The following CPT1C variants were observed in gnomAD, a reference collection of about 807,000 sequenced individuals.
CPT1C encodes palmitoyl thioesterase CPT1C.
CPT1C carries 61 observed loss-of-function variants against 97.3 expected under a neutral mutation model. The ratio of observed to expected loss-of-function variants is 0.63; its 90% confidence interval spans 0.51 to 0.78. The LOEUF (loss-of-function observed/expected upper bound fraction) is 0.78. CPT1C is among the 30% of genes least tolerant of loss of function. CPT1C has a pLI of 0.00. For synonymous variants in CPT1C, 469 were observed against 447.2 expected (o/e 1.05, Z -0.61); for missense variants, 975 against 1,065.5 (o/e 0.92, Z 1.18).
At chr19:49,692,529 T>A in intron 3 of CPT1C, 136 bp downstream of exon 3, 3 of 1,116,102 alleles carry the variant, frequency 2.7e-6, no homozygotes, top group East Asian at 2.6e-5. Flanking sequence ...TTTTGATGTC[T>A]GCTCCCAGGA....
At chr19:49,699,297 G>A (rs2082853843) in intron 4 of CPT1C, among the ~76,000 whole-genome samples, 1 of 151,004 alleles carries the variant, frequency 6.6e-6, no homozygotes, top group African/African-American at 2.4e-5. Flanking sequence ...TTGTGCAGAT[G>A]GCCCCAAAGA....
Position 49,705,098 on chromosome 19 carries a change from G to T in CPT1C, c.863G>T (p.Arg288Leu), listed in dbSNP as rs143361095. ...ALLLYRHRLN[R>L]QEIPPTLLMG... The stretch of plus-strand genomic sequence containing the variant: ...CTCCTGTACCGCCACCGCCTGAACC[G>T]CCAGGAGATACCCCCGGTGAGAGGG... Residue 288 changes from arginine (R) to leucine (L), a missense_variant, in exon 9 of 20, where the codon CGC becomes CTC. By Grantham distance (102) the Arg-to-Leu change is moderately radical. Coordinates refer to ENST00000598293, the MANE Select transcript of CPT1C (RefSeq NM_001199753.2). The T allele has an allele frequency of 2.0e-5, 32 of 1,613,992 alleles. No homozygotes were observed. The highest frequency in any genetic ancestry group is 2.5e-5 in the Non-Finnish European group (29 of 1,179,966).
Position 49,706,335 on chromosome 19 carries a change from C to A in CPT1C, c.1265C>A (p.Ala422Glu). 1.3e-6 allele frequency: 2 copies of A among 1,521,756 alleles called. No individual in the cohort carries two copies. The highest frequency in any genetic ancestry group is 1.8e-6 in the Non-Finnish European group (2 of 1,139,758). The allele number at this position is 1,521,756 out of a possible 1,614,324, so 94.3% of individuals were successfully genotyped here. ...TTTGTGTCACTGGATGCTGAGCCCGCGGGGCTCACCAGGGAGGACCCGGCA... is the reference window on the plus strand; with the variant it reads ...TTTGTGTCACTGGATGCTGAGCCCGAGGGGCTCACCAGGGAGGACCCGGCA... Reference protein sequence around the residue: ...AFFVSLDAEPAGLTREDPAAS... With the variant: ...AFFVSLDAEPEGLTREDPAAS... The change falls in exon 12 of 20, where the codon GCG becomes GAG. Residue 422 changes from alanine to glutamate, a missense_variant. This residue lies in a region of CPT1C where 596 missense variants were observed against 603.1 expected (regional missense o/e 0.99). Transcript: ENST00000598293. The surrounding 1 kb of genome is among the most constrained non-coding windows in gnomAD (Gnocchi z 4.8).
At chr19:49,708,645 G>A in intron 13 of CPT1C, 78 bp from the exon 14 acceptor site, 1 of 1,009,894 alleles carries the variant, frequency 9.9e-7, no homozygotes, top group South Asian at 1.3e-5. Flanking sequence ...AAAAAGGGCT[G>A]CATGAAAAGA....
chr19:49,703,277 T>C (rs2083291018), intron 7 of CPT1C, among the ~76,000 whole-genome samples: 2 of 149,550 alleles, frequency 1.3e-5, no homozygotes, highest in South Asian at 4.3e-4. Context: ...TGGCACCGTC[T>C]CAGCTCACTG....
Position 49,700,106 on chromosome 19 carries a change from G to A in CPT1C, c.282-578G>A, listed in dbSNP as rs564362552. Among the ~76,000 whole-genome samples the A allele has an allele frequency of 2.6e-5, 4 of 151,834 alleles. No individual in the cohort carries two copies. The East Asian group carries it at 7.7e-4, about 29-fold the overall frequency. ...ACTAAAAATAACAACAAATAGCCGG[G>A]CGTGGTGGTGGGCACCTGTATTCCC... is the stretch of plus-strand genomic sequence containing the variant. On this transcript the variant is annotated intron_variant, in intron 4 of 19. Coordinates refer to ENST00000598293, the MANE Select transcript of CPT1C (RefSeq NM_001199753.2).
At position 49,706,913 on chromosome 19, in the gene CPT1C, G is replaced by C. The variant is rs1036315892; in HGVS notation, c.1343+500G>C. 1.3e-5 allele frequency among the ~76,000 whole-genome samples: 2 copies of C among 152,134 alleles called. No individual in the cohort carries two copies. Among genetic ancestry groups the C allele is most frequent in the African/African-American group, 4.8e-5 (2 of 41,416 alleles). On this transcript the variant is annotated intron_variant, in intron 12 of 19. Transcript: ENST00000598293. This position sits in a 1 kb window ranked among gnomAD's most constrained non-coding sequence, Gnocchi z 4.8. ...GGCATCACTGAATTCCTAGGCCCCA[G>C]GGGGGTCCCGCTGACCTCCCAGCAC...
chr19:49,692,054 G>A (rs1269029034), intron 2 of CPT1C, 165 bp downstream of exon 2: 2 of 567,134 alleles, frequency 3.5e-6, no homozygotes, highest in Non-Finnish European at 6.2e-6. Flanking sequence ...AGAGAGGAGG[G>A]GCTGGGGCCT....
intron 3 of CPT1C, 135 bp from the exon 4 acceptor site, chr19:49,697,191 C>A: frequency 9.0e-7 from 1 of 1,107,326 alleles, no homozygotes; most frequent in Non-Finnish European, 1.3e-6. Context: ...ACCTGGATCT[C>A]TCTGTTCCCT....
chr19:49,700,677 C>G lies in CPT1C; in HGVS notation c.282-7C>G, dbSNP rs200392206. ...CCCAGGCCCAGCCTCTGTTTCTCTC[C>G]CCGCAGGGGTGGACAACACCACGGG... On this transcript the variant is annotated splice_polypyrimidine_tract_variant and splice_region_variant and intron_variant, in intron 4 of 19. Coordinates refer to ENST00000598293, the MANE Select transcript of CPT1C (RefSeq NM_001199753.2). The G allele has an allele frequency of 6.2e-7, 1 of 1,606,244 alleles. No homozygotes were observed. Among genetic ancestry groups the G allele is most frequent in the African/African-American group, 1.3e-5 (1 of 75,040 alleles).
In CPT1C at chr19:49,701,548, G is replaced by A. The variant is rs763689758; in HGVS notation, c.607G>A (p.Ala203Thr). 1.4e-5 allele frequency: 22 copies of A among 1,612,086 alleles called. No individual in the cohort carries two copies. The highest frequency in any genetic ancestry group is 1.8e-5 in the Non-Finnish European group (21 of 1,179,010). ...CTCCGACGAGGACTTCGACTGGACC[G>A]CGGTCCTGGCGCAGGAATTCCTGAG... ...ILSDEDFDWT[A>T]VLAQEFLRLQ... Residue 203 changes from alanine (A) to threonine (T), a missense_variant, in exon 7 of 20, where the codon GCG (alanine) becomes ACG (threonine). Transcript: ENST00000598293.
intron 16 of CPT1C, chr19:49,711,059 T>C: frequency 2.0e-6 from 1 of 499,388 alleles, no homozygotes; most frequent in East Asian, 3.3e-5. Flanking sequence ...TTCATGGTGG[T>C]CTCACAGGGC....
At chr19:49,693,060 G>C (rs1458464808) in intron 3 of CPT1C, among the ~76,000 whole-genome samples, 2 of 152,136 alleles carry the variant, frequency 1.3e-5, no homozygotes, top group Non-Finnish European at 2.9e-5. Context: ...GCTAATTTTT[G>C]TATTTTTAGT....
At chr19:49,690,844 A>C, upstream of CPT1C, 40 of 198,462 alleles carry the variant, frequency 2.0e-4, no homozygotes, top group Non-Finnish European at 3.0e-4. This position sits in a 1 kb window ranked among gnomAD's most constrained non-coding sequence, Gnocchi z 4.4. Context: ...TGACGTTATA[A>C]TGCACCTGGG....
intron 17 of CPT1C, 44 bp from the exon 18 acceptor site, chr19:49,712,692 C>G: frequency 1.4e-6 from 2 of 1,404,446 alleles, no homozygotes; most frequent in Non-Finnish European, 2.0e-6. Flanking sequence ...AGGGCCGGAA[C>G]TGCAGATCTC....
rs369398948 is a variant in CPT1C, at chr19:49,713,606, C to T, written c.*1C>T. On this transcript the variant is annotated 3_prime_UTR_variant, in exon 20 of 20. Transcript: ENST00000598293. ...CTCAATGACATCCACCGACTTCTGA[C>T]TCCTTCCAGCAGGCAGCTGGCCTCT... is the stretch of plus-strand genomic sequence containing the variant. 1.7e-5 allele frequency: 27 copies of T among 1,606,078 alleles called. No homozygotes were observed. Among genetic ancestry groups the T allele is most frequent in the African/African-American group, 2.7e-5 (2 of 74,738 alleles).
In CPT1C at chr19:49,701,714, G is replaced by A. The variant is rs1057015418; in HGVS notation, c.693+80G>A. On this transcript the variant is annotated intron_variant, in intron 7 of 19. Coordinates refer to ENST00000598293, the MANE Select transcript of CPT1C (RefSeq NM_001199753.2). Reference sequence around the variant, plus strand: ...CGCCTGCTAAACTTGCGAGTTATACGCCCTGCCCCACGACACGCCCACAAC... The same window carrying A: ...CGCCTGCTAAACTTGCGAGTTATACACCCTGCCCCACGACACGCCCACAAC... The A allele has an allele frequency of 1.1e-5, 16 of 1,446,252 alleles. No individual in the cohort carries two copies. In the African/African-American group the frequency reaches 2.0e-4, roughly 18 times the overall value. 89.6% of individuals were successfully genotyped at this position (1,446,252 alleles called of 1,614,324 possible).
In CPT1C at chr19:49,712,719, T is replaced by G; in HGVS notation, c.2020-17T>G. On this transcript the variant is annotated splice_polypyrimidine_tract_variant and intron_variant, in intron 17 of 19. Coordinates refer to ENST00000598293, the MANE Select transcript of CPT1C (RefSeq NM_001199753.2). Reference sequence around the variant, plus strand: ...GCAGATCTCTGTCCTGCACATGTGATGGGCTCCTGTCCTCAGGTCCATTCG... The same window carrying G: ...GCAGATCTCTGTCCTGCACATGTGAGGGGCTCCTGTCCTCAGGTCCATTCG... The G allele has an allele frequency of 6.3e-7, 1 of 1,587,152 alleles. No homozygotes were observed. The highest frequency in any genetic ancestry group is 8.7e-7 in the Non-Finnish European group (1 of 1,155,560).
chr19:49,711,017 G>A, intron 16 of CPT1C, 160 bp downstream of exon 16: 1 of 680,736 alleles, frequency 1.5e-6, no homozygotes, highest in Non-Finnish European at 2.4e-6. Context: ...CACTGATGGG[G>A]GGAGACAGCC....
Sources: allele counts gnomAD v4.1 joint callset (sites outside exome capture counted in the v4.1 genomes callset), GRCh38; gene constraint gnomAD v4.1.1; regional missense constraint gnomAD v4.1.1; non-coding constraint Gnocchi (gnomAD v3.1); transcripts MANE v1.5; gene names NCBI Gene and HGNC (gene_info 2026-07-23, HGNC 2026-07-21).